ALOX5AP: variants seen among roughly 807,000 people sequenced by gnomAD.
ALOX5AP encodes the protein arachidonate 5-lipoxygenase-activating protein.
ALOX5AP carries 9 observed loss-of-function variants against 18.5 expected under a neutral mutation model. That is an observed-to-expected ratio of 0.49 (90% CI 0.29 to 0.85). The LOEUF is 0.85. ALOX5AP is among the 40% of genes least tolerant of loss of function. ALOX5AP has a pLI of 0.08. For missense variants in ALOX5AP, 172 were observed against 202.5 expected, an observed-to-expected ratio of 0.85 and a Z score of 0.91; for synonymous variants, 81 against 78.6, an observed-to-expected ratio of 1.03 and a Z score of -0.16.
chr13:30,739,158 C>T (rs1374573138), intron 1 of ALOX5AP, among the ~76,000 whole-genome samples: 1 of 152,150 alleles, frequency 6.6e-6, no homozygotes, highest in African/African-American at 2.4e-5. Context: ...AACTTCCAAG[C>T]TTGCCTTTCC....
chr13:30,721,132 T>C (rs1951590235), intron 1 of ALOX5AP, among the ~76,000 whole-genome samples: 1 of 152,224 alleles, frequency 6.6e-6, no homozygotes, highest in Non-Finnish European at 1.5e-5. Flanking sequence ...TTCTCTCTGC[T>C]AGCCGAACAC....
At chr13:30,731,643 A>G (rs575953087), upstream of ALOX5AP, among the ~76,000 whole-genome samples, 1 of 152,184 alleles carries the variant, frequency 6.6e-6, no homozygotes, top group Non-Finnish European at 1.5e-5. Flanking sequence ...TGCTGGGACT[A>G]TAGGCGTGAG....
At chr13:30,718,498 C>A (rs770271181) in intron 1 of ALOX5AP, among the ~76,000 whole-genome samples, 60 of 151,900 alleles carry the variant, frequency 3.9e-4, no homozygotes, top group Non-Finnish European at 6.6e-4. Context: ...CTTCCTCCAT[C>A]CTTTTCTCCA....
chr13:30,754,403 T>C (rs1951875679), intron 3 of ALOX5AP, among the ~76,000 whole-genome samples: 1 of 152,204 alleles, frequency 6.6e-6, no homozygotes, highest in Admixed American at 6.5e-5. Flanking sequence ...TCCAGGCAGT[T>C]ACTCAGCTTT....
chr13:30,713,866 G>A (rs1454613801), intron 1 of ALOX5AP: 18 of 1,437,388 alleles, frequency 1.3e-5, no homozygotes, highest in Middle Eastern at 1.9e-4. Flanking sequence ...GCGCGCACAC[G>A]CGCATGTGTG....
upstream of ALOX5AP, among the ~76,000 whole-genome samples, chr13:30,731,567 C>T (rs183555455): frequency 5.3e-5 from 8 of 152,250 alleles, no homozygotes; most frequent in East Asian, 1.5e-3. Context: ...GGGGGTCTTG[C>T]TATGTTGCCC....
At chr13:30,735,701 A>G in intron 1 of ALOX5AP, 26 bp downstream of exon 1, 1 of 1,612,130 alleles carries the variant, frequency 6.2e-7, no homozygotes, top group South Asian at 1.1e-5. Context: ...CACTCAGGGA[A>G]GAACAGAAGG....
chr13:30,713,587 C>A (rs1206884718), exon 1 of ALOX5AP: 3 of 651,870 alleles, frequency 4.6e-6, no homozygotes, highest in Non-Finnish European at 8.1e-6. Context: ...GATTCCTGCA[C>A]CCCACCTTTG....
chr13:30,717,061 G>C (rs980520841), intron 1 of ALOX5AP, among the ~76,000 whole-genome samples: 9 of 152,216 alleles, frequency 5.9e-5, no homozygotes, highest in South Asian at 2.1e-4. Context: ...CCATGCGGCC[G>C]ATCTGTTCCC....
intron 1 of ALOX5AP, among the ~76,000 whole-genome samples, chr13:30,725,741 G>C (rs974898326): frequency 7.2e-5 from 11 of 152,150 alleles, no homozygotes; most frequent in African/African-American, 2.7e-4. Context: ...AATTTTATTT[G>C]TTATAAAATT....
chr13:30,739,645 G>A (rs1159928313), intron 1 of ALOX5AP, among the ~76,000 whole-genome samples: 1 of 152,188 alleles, frequency 6.6e-6, no homozygotes. Flanking sequence ...ATGTTGGCCA[G>A]GTTGGCCTCC....
chr13:30,733,296 C>T (rs1951696420), upstream of ALOX5AP, among the ~76,000 whole-genome samples: 1 of 152,080 alleles, frequency 6.6e-6, no homozygotes, highest in South Asian at 2.1e-4. Flanking sequence ...ATAAATTCTC[C>T]TTTTTGCTTA....
At chr13:30,753,352 A>T (rs1255387743) in intron 3 of ALOX5AP, among the ~76,000 whole-genome samples, 1 of 152,252 alleles carries the variant, frequency 6.6e-6, no homozygotes, top group Non-Finnish European at 1.5e-5. Context: ...TGAAAAATCA[A>T]GTCAAACTAT....
At chr13:30,741,839 T>TG (rs1367466880) in intron 1 of ALOX5AP, among the ~76,000 whole-genome samples, 3 of 151,178 alleles carry the variant, frequency 2.0e-5, no homozygotes, top group African/African-American at 4.9e-5. Context: ...CTGTTTTTTT[T>TG]TTTTTTTTTT....
At chr13:30,720,223 T>C (rs539459071) in intron 1 of ALOX5AP, among the ~76,000 whole-genome samples, 1 of 152,346 alleles carries the variant, frequency 6.6e-6, no homozygotes, top group African/African-American at 2.4e-5. Context: ...TTTTTTCTAA[T>C]TTTCTAATAT....
intron 1 of ALOX5AP, among the ~76,000 whole-genome samples, chr13:30,728,521 C>T (rs961366818): frequency 6.6e-6 from 1 of 152,166 alleles, no homozygotes; most frequent in African/African-American, 2.4e-5. Flanking sequence ...CAATCCCTGA[C>T]TGATACAGAA....
intron 4 of ALOX5AP, 112 bp downstream of exon 4, chr13:30,756,137 T>C: frequency 9.9e-7 from 1 of 1,015,226 alleles, no homozygotes; most frequent in Non-Finnish European, 1.5e-6. Flanking sequence ...AGCATCCCCT[T>C]GGGTGGGAGG....
rs910339296 is a variant in ALOX5AP at position 30,713,946 on chromosome 13, C to T, written c.116+105C>T. 48 of 1,293,616 alleles carry T rather than the reference C, an allele frequency of 3.7e-5. No individual in the cohort carries two copies. The Admixed American group carries it at 7.4e-4, about 20-fold the overall frequency. 80.1% of individuals were successfully genotyped at this position (1,293,616 alleles called of 1,614,324 possible). A position where few individuals can be genotyped will look rare whatever the true frequency, so the allele number is the denominator to read the frequency against. On this transcript the variant is annotated intron_variant, in intron 1 of 5. Coordinates refer to the ALOX5AP transcript ENST00000617770. ...GCCATGTTCGGTGGTTTTTAAGAAC[C>T]GAGGCTCCCAGAAGCAGTATTGGGC...
chr13:30,733,016 A>T (rs1220643108), upstream of ALOX5AP, among the ~76,000 whole-genome samples: 3 of 152,032 alleles, frequency 2.0e-5, no homozygotes, highest in Non-Finnish European at 4.4e-5. Context: ...AAAATTAGCC[A>T]GGCGTGGTGG....
Sources: allele counts gnomAD v4.1 joint callset (sites outside exome capture counted in the v4.1 genomes callset), GRCh38; gene constraint gnomAD v4.1.1; transcripts MANE v1.5; gene names NCBI Gene and HGNC (gene_info 2026-07-23, HGNC 2026-07-21).